The following CFAP43 variants were observed in gnomAD, a reference collection of about 807,000 sequenced individuals.
The protein encoded by CFAP43 is cilia and flagella associated protein 43.
Under a neutral mutation model 218.9 loss-of-function variants are expected in CFAP43, and 155 were observed. The ratio of observed to expected loss-of-function variants is 0.71; its 90% CI spans 0.62 to 0.81. The LOEUF (loss-of-function observed/expected upper bound fraction) is 0.81, where lower values mean the gene tolerates loss of function less well. Among genes scored for constraint, CFAP43 ranks in the 30% least tolerant of loss-of-function variants. The pLI is 0.00. For missense variants in CFAP43, 1,778 were observed against 1,954.3 expected, an observed-to-expected ratio of 0.91 and a Z score of 1.70; for synonymous variants, 645 against 681.3, an observed-to-expected ratio of 0.95 and a Z score of 0.83.
At chr10:104,164,918 T>G (rs533730544) in intron 23 of CFAP43, among the ~76,000 whole-genome samples, 25 of 152,344 alleles carry the variant, frequency 1.6e-4, no homozygotes, top group African/African-American at 6.0e-4. Context: ...AGAGGCTCAT[T>G]GGGCTATTCT....
chr10:104,182,342 A>T (rs1193263619), intron 17 of CFAP43, 24 bp downstream of exon 17: 9 of 1,519,096 alleles, frequency 5.9e-6, no homozygotes, highest in Non-Finnish European at 7.9e-6. Context: ...GTAAGCAAGC[A>T]AGCTAGTCAT....
At position 104,203,826 on chromosome 10, in the gene CFAP43, T is replaced by C. The variant is rs201977211; in HGVS notation, c.964-23A>G. On this transcript the variant is annotated intron_variant, in intron 7 of 37. Transcript: ENST00000357060. The stretch of plus-strand genomic sequence containing the variant: ...ATCCTAGAGATGAGTGAGATAAACA[T>C]AGAAAATCAGTCTTAGTCAATGCAT... The C allele has an allele frequency of 1.9e-3, 3,003 of 1,578,758 alleles. 65 individuals carry two copies. In the South Asian group the frequency reaches 0.029, roughly 15 times the overall value.
chr10:104,153,710 C>T (rs2088390081), intron 27 of CFAP43, among the ~76,000 whole-genome samples: 1 of 151,762 alleles, frequency 6.6e-6, no homozygotes, highest in Non-Finnish European at 1.5e-5. Context: ...TTCCATATAC[C>T]TTTTTCAAAG....
At chr10:104,165,088 C>T (rs1357484573) in intron 23 of CFAP43, among the ~76,000 whole-genome samples, 1 of 152,166 alleles carries the variant, frequency 6.6e-6, no homozygotes, top group Non-Finnish European at 1.5e-5. Context: ...GAATCACCAC[C>T]ACACACAATA....
intron 20 of CFAP43, among the ~76,000 whole-genome samples, chr10:104,169,941 C>T (rs1313493369): frequency 6.6e-6 from 1 of 152,066 alleles, no homozygotes; most frequent in African/African-American, 2.4e-5. Flanking sequence ...ATAATGTGTC[C>T]AGATTGTCAT....
chr10:104,151,114 T>C (rs1308305817), intron 28 of CFAP43, among the ~76,000 whole-genome samples: 1 of 152,260 alleles, frequency 6.6e-6, no homozygotes, highest in Non-Finnish European at 1.5e-5. Flanking sequence ...ATGGTGTATA[T>C]GTCCCACATT....
chr10:104,218,508 G>A (rs562962541), intron 3 of CFAP43, among the ~76,000 whole-genome samples: 2 of 152,060 alleles, frequency 1.3e-5, no homozygotes, highest in East Asian at 3.9e-4. Context: ...TGCTCTCTGA[G>A]GTTCTGATTT....
intron 28 of CFAP43, among the ~76,000 whole-genome samples, chr10:104,149,926 C>T (rs1185197615): frequency 6.6e-6 from 1 of 152,124 alleles, no homozygotes; most frequent in African/African-American, 2.4e-5. Flanking sequence ...CCATCTGCCC[C>T]TCTGTTACCT....
At chr10:104,162,731 C>T (rs1251731865) in intron 24 of CFAP43, among the ~76,000 whole-genome samples, 4 of 149,790 alleles carry the variant, frequency 2.7e-5, no homozygotes, top group Admixed American at 2.0e-4. Flanking sequence ...CCTAAGAGGT[C>T]GAGAGCTTGG....
chr10:104,163,817 T>A (rs1005349802), intron 24 of CFAP43, among the ~76,000 whole-genome samples: 1 of 152,230 alleles, frequency 6.6e-6, no homozygotes, highest in African/African-American at 2.4e-5. Flanking sequence ...TGATGTGAAC[T>A]AAGAGATGAA....
chr10:104,205,769 C>T (rs911757944), intron 7 of CFAP43, among the ~76,000 whole-genome samples, 194 bp downstream of exon 7: 1 of 152,072 alleles, frequency 6.6e-6, no homozygotes, highest in Non-Finnish European at 1.5e-5. Flanking sequence ...TTCATTATAT[C>T]GTCCCCTCTA....
rs754865115 is a variant in CFAP43, at chr10:104,148,048, C to T, written c.3661-50G>A. 29 of 1,234,240 alleles carry T rather than the reference C, an allele frequency of 2.3e-5. No homozygotes were observed. The South Asian group carries it at 3.1e-4, about 13-fold the overall frequency. The allele number at this position is 1,234,240 out of a possible 1,614,324, so 76.5% of individuals were successfully genotyped here. On this transcript the variant is annotated intron_variant, in intron 28 of 37. Coordinates refer to ENST00000357060, the MANE Select transcript of CFAP43 (RefSeq NM_025145.7). The stretch of plus-strand genomic sequence containing the variant: ...TTGGTGGAATTACTTCCACCTGAGA[C>T]AATATTTTCTATAGACTTGGCACTA...
At chr10:104,220,125 T>C (rs184093068) in intron 3 of CFAP43, among the ~76,000 whole-genome samples, 38 of 152,232 alleles carry the variant, frequency 2.5e-4, no homozygotes, top group African/African-American at 8.4e-4. Flanking sequence ...GAGAATGCCA[T>C]GTGAAAATAA....
rs191267241 is a variant in CFAP43 at position 104,214,573 on chromosome 10, T to C, written c.417-147A>G. On this transcript the variant is annotated intron_variant, in intron 3 of 37. Transcript: ENST00000357060. ...ATGACCTTAATGTCAAATTTATAAA[T>C]AATTATGCTTATCATTGTATTGTAT... The C allele has an allele frequency of 3.9e-3, 2,854 of 739,448 alleles. 20 individuals carry two copies. The highest frequency in any genetic ancestry group is 0.018 in the Middle Eastern group (44 of 2,484). The allele number at this position is 739,448 out of a possible 1,614,324, so 45.8% of individuals were successfully genotyped here.
intron 6 of CFAP43, among the ~76,000 whole-genome samples, chr10:104,206,368 G>A (rs1465154177): frequency 2.0e-5 from 3 of 152,168 alleles, no homozygotes; most frequent in Non-Finnish European, 4.4e-5. Flanking sequence ...TTTGAGCTGG[G>A]CATTGGCAGA....
At chr10:104,176,753 T>C (rs2089644290) in intron 19 of CFAP43, among the ~76,000 whole-genome samples, 1 of 152,234 alleles carries the variant, frequency 6.6e-6, no homozygotes, top group African/African-American at 2.4e-5. Context: ...TCTGGGTCTC[T>C]GAATGACTGC....
At chr10:104,153,114 C>A (rs2088357636) in intron 27 of CFAP43, among the ~76,000 whole-genome samples, 1 of 152,072 alleles carries the variant, frequency 6.6e-6, no homozygotes, top group Admixed American at 6.6e-5. Context: ...TGGTCATTTT[C>A]ATGGAATTAT....
At chr10:104,231,811 C>T (rs1475767633) in intron 1 of CFAP43, among the ~76,000 whole-genome samples, 1 of 152,104 alleles carries the variant, frequency 6.6e-6, no homozygotes, top group Admixed American at 6.5e-5. Flanking sequence ...AGGACGGGAT[C>T]CGGGCTGTCG....
chr10:104,154,598 A>C (rs781446812), intron 27 of CFAP43, among the ~76,000 whole-genome samples: 6 of 152,210 alleles, frequency 3.9e-5, no homozygotes, highest in Non-Finnish European at 7.3e-5. Context: ...ACATCAGCAT[A>C]TGGCAAATGG....
Sources: allele counts gnomAD v4.1 joint callset (sites outside exome capture counted in the v4.1 genomes callset), GRCh38; gene constraint gnomAD v4.1.1; transcripts MANE v1.5; gene names NCBI Gene and HGNC (gene_info 2026-07-23, HGNC 2026-07-21).